PRDM14: variants seen among roughly 807,000 people sequenced by gnomAD.
PRDM14 encodes the protein PR/SET domain 14, also known as PR domain zinc finger protein 14.
Under a neutral mutation model 48.0 loss-of-function variants are expected in PRDM14, and 16 were observed. That is an observed-to-expected ratio of 0.33 (90% CI 0.23 to 0.51). PRDM14 has a LOEUF of 0.51. Among genes scored for constraint, PRDM14 ranks in the 20% least tolerant of loss-of-function variants. The pLI, the probability that PRDM14 is intolerant of heterozygous loss-of-function variation, is 0.97. For missense variants in PRDM14, 566 were observed against 719.6 expected (o/e 0.79, Z 2.44); for synonymous variants, 264 against 276.6 (o/e 0.95, Z 0.45).
intron 5 of PRDM14, among the ~76,000 whole-genome samples, chr8:70,063,129 C>A (rs6472509): frequency 0.015 from 2,355 of 151,970 alleles, 58 homozygotes; most frequent in African/African-American, 0.054. Flanking sequence ...TTGATACATA[C>A]GGTGAAAAAA....
intron 1 of PRDM14, among the ~76,000 whole-genome samples, chr8:70,070,520 C>T (rs879772559): frequency 1.3e-5 from 2 of 152,214 alleles, no homozygotes; most frequent in African/African-American, 2.4e-5. Context: ...TGTGACCCCG[C>T]GGGTCCTGGC....
In PRDM14 at chr8:70,053,098, T is replaced by TAAAAA. The variant is rs71275048; in HGVS notation, c.1489-799_1489-795dup. Among the ~76,000 whole-genome samples, 55 of 82,152 alleles carry TAAAAA rather than the reference T, an allele frequency of 6.7e-4. 1 individual carries two copies. The highest frequency in any genetic ancestry group is 9.1e-3 in the Middle Eastern group (1 of 110). The allele number at this position is 82,152 out of a possible 152,430, so 53.9% of individuals were successfully genotyped here. A position where few individuals can be genotyped will look rare whatever the true frequency, so the allele number is the denominator to read the frequency against. ...GGGTAACAGAGCAAGACCCTCTCTT[T>TAAAAA]AAAAAAAAAAAAAAAAAAAAAAGCA... On this transcript the variant is annotated intron_variant, in intron 7 of 7. Coordinates refer to ENST00000276594, the MANE Select transcript of PRDM14 (RefSeq NM_024504.4).
intron 5 of PRDM14, among the ~76,000 whole-genome samples, chr8:70,060,447 C>T (rs904008000): frequency 2.6e-5 from 4 of 151,106 alleles, no homozygotes; most frequent in Admixed American, 1.3e-4. Context: ...CATTGTCATA[C>T]CTAAACGATT....
intron 7 of PRDM14, among the ~76,000 whole-genome samples, chr8:70,053,727 T>C (rs1344954551): frequency 6.6e-6 from 1 of 152,180 alleles, no homozygotes; most frequent in Admixed American, 6.5e-5. Flanking sequence ...TTCATTCTAT[T>C]GACACACACT....
Position 70,058,826 on chromosome 8 carries a change from G to A in PRDM14, c.1200C>T (p.Tyr400=). 6.2e-7 allele frequency: 1 copy of A among 1,613,984 alleles called. No homozygotes were observed. The highest frequency in any genetic ancestry group is 8.5e-7 in the Non-Finnish European group (1 of 1,179,900). The change falls in exon 6 of 8, where the codon TAC becomes TAT. Residue 400 remains tyrosine, a synonymous_variant. Transcript: ENST00000276594. ...SGPSEESAEG[Y]RCERCGKVFT... Reference sequence around the variant, plus strand: ...ATACCTTCCCACATCTTTCACATCTGTAGCCTTCTGCAGACTCTGTCAAAC... The same window carrying A: ...ATACCTTCCCACATCTTTCACATCTATAGCCTTCTGCAGACTCTGTCAAAC...
chr8:70,064,121 C>G (rs2131040433), intron 5 of PRDM14, among the ~76,000 whole-genome samples: 1 of 152,138 alleles, frequency 6.6e-6, no homozygotes, highest in South Asian at 2.1e-4. Flanking sequence ...CCAGCATGGA[C>G]ATAAGATACC....
chr8:70,066,087 G>C, intron 5 of PRDM14, 148 bp downstream of exon 5: 1 of 841,592 alleles, frequency 1.2e-6, no homozygotes, highest in South Asian at 1.9e-5. Flanking sequence ...CCTTCACCTG[G>C]GTAATTCCCC....
chr8:70,061,034 G>A (rs1221380542), intron 5 of PRDM14, among the ~76,000 whole-genome samples: 1 of 152,196 alleles, frequency 6.6e-6, no homozygotes, highest in Non-Finnish European at 1.5e-5. Flanking sequence ...TCTTACCAAT[G>A]TGAGTGATAC....
intron 5 of PRDM14, among the ~76,000 whole-genome samples, chr8:70,059,624 G>C (rs1805543006): frequency 6.6e-6 from 1 of 152,072 alleles, no homozygotes; most frequent in Non-Finnish European, 1.5e-5. Context: ...ACATACCAAA[G>C]TGAAAATAAT....
At chr8:70,061,909 A>G (rs773854498) in intron 5 of PRDM14, among the ~76,000 whole-genome samples, 14 of 152,072 alleles carry the variant, frequency 9.2e-5, no homozygotes, top group Non-Finnish European at 2.1e-4. Context: ...CCGCCCACAT[A>G]GAGTCTAGAC....
chr8:70,054,827 CT>C (rs375611451), intron 7 of PRDM14, among the ~76,000 whole-genome samples: 25 of 145,170 alleles, frequency 1.7e-4, no homozygotes, highest in East Asian at 2.0e-4. Context: ...CCACCCCCTC[CT>C]TTTTTTTTTG....
At chr8:70,066,099 CT>C in intron 5 of PRDM14, 135 bp downstream of exon 5, 1 of 963,236 alleles carries the variant, frequency 1.0e-6, no homozygotes, top group Non-Finnish European at 1.5e-6. Flanking sequence ...TAATTCCCCC[CT>C]GGTTAGAGAC....
At chr8:70,064,863 T>C (rs1157375721) in intron 5 of PRDM14, among the ~76,000 whole-genome samples, 1 of 148,496 alleles carries the variant, frequency 6.7e-6, no homozygotes, top group Non-Finnish European at 1.5e-5. Context: ...ATTTATTACA[T>C]CATAATAATT....
In PRDM14 at chr8:70,052,063, T is replaced by C. The variant is rs1805394731; in HGVS notation, c.*14A>G. ...TGCTGGGATTACAGGCGTGAGTCAT[T>C]GTGCCTGGCAGGGCTAGTAGTCTTC... On this transcript the variant is annotated 3_prime_UTR_variant, in exon 8 of 8. Transcript: ENST00000276594. The C allele has an allele frequency of 1.3e-6, 2 of 1,564,566 alleles. No individual in the cohort carries two copies. The highest frequency in any genetic ancestry group is 2.7e-5 in the African/African-American group (2 of 74,220).
At position 70,066,522 on chromosome 8, in the gene PRDM14, A is replaced by G. The variant is rs781740551; in HGVS notation, c.913-17T>C. 19 of 1,602,012 alleles carry G rather than the reference A, an allele frequency of 1.2e-5. No individual in the cohort carries two copies. The highest frequency in any genetic ancestry group is 3.4e-5 in the Admixed American group (2 of 57,978). On this transcript the variant is annotated splice_polypyrimidine_tract_variant and intron_variant, in intron 4 of 7. Transcript: ENST00000276594. The stretch of plus-strand genomic sequence containing the variant: ...TTCAAAGATCTAAATGAAATAAGAC[A>G]TGAAGTTTGTATTGTACTTCTTTTT...
chr8:70,055,562 G>A (rs904526436), intron 6 of PRDM14, among the ~76,000 whole-genome samples, 161 bp from the exon 7 acceptor site: 18 of 150,632 alleles, frequency 1.2e-4, no homozygotes, highest in South Asian at 4.2e-4. Flanking sequence ...CTGGACTGCA[G>A]TGGCACAATC....
At chr8:70,060,592 G>T (rs1242060420) in intron 5 of PRDM14, among the ~76,000 whole-genome samples, 8 of 152,080 alleles carry the variant, frequency 5.3e-5, no homozygotes, top group Non-Finnish European at 1.2e-4. Flanking sequence ...GTTGTATATG[G>T]TTGCTATGTC....
At chr8:70,068,673 C>T (rs936400401) in intron 2 of PRDM14, 141 bp from the exon 3 acceptor site, 1 of 725,990 alleles carries the variant, frequency 1.4e-6, no homozygotes, top group Non-Finnish European at 2.4e-6. Context: ...TTTCCCTGCT[C>T]ATTTTACATG....
Position 70,069,833 on chromosome 8 carries a change from C to T in PRDM14, c.28G>A (p.Val10Met), listed in dbSNP as rs148357006. ...GGGTAGCACACCTTGTCCTGAGGCACGGCCTCACTTGGCCGGGGTAGAGCC... is the reference window on the plus strand; with the variant it reads ...GGGTAGCACACCTTGTCCTGAGGCATGGCCTCACTTGGCCGGGGTAGAGCC... MALPRPSEA[V>M]PQDKVCYPPE... Residue 10 changes from valine (V) to methionine (M), a missense_variant, in exon 2 of 8, where the codon GTG (valine) becomes ATG (methionine). By Grantham distance (21) the Val-to-Met change is conservative. Coordinates refer to ENST00000276594, the MANE Select transcript of PRDM14 (RefSeq NM_024504.4). The T allele has an allele frequency of 1.9e-6, 3 of 1,606,292 alleles. No homozygotes were observed. Among genetic ancestry groups the T allele is most frequent in the Non-Finnish European group, 2.5e-6 (3 of 1,176,892 alleles).
Sources: allele counts gnomAD v4.1 joint callset (sites outside exome capture counted in the v4.1 genomes callset), GRCh38; gene constraint gnomAD v4.1.1; transcripts MANE v1.5; gene names NCBI Gene and HGNC (gene_info 2026-07-23, HGNC 2026-07-21).